Variants in ZNF704 observed in about 807,000 individuals in gnomAD.
ZNF704 encodes the protein glucocorticoid induced gene 1.
In ZNF704, 10 loss-of-function variants were observed where a neutral mutation model predicts 44.7. The observed-to-expected ratio is 0.22, with a 90% CI of 0.14 to 0.38. ZNF704 has a LOEUF of 0.38. ZNF704 is among the 10% of genes least tolerant of loss of function. The probability of loss-of-function intolerance (pLI) is 1.00; values close to 1 mark genes in which losing one functional copy is unlikely to be tolerated. For synonymous variants in ZNF704, 211 were observed against 207.6 expected (o/e 1.02, Z -0.14); for missense variants, 390 against 545.5 (o/e 0.71, Z 2.84).
intron 2 of ZNF704, among the ~76,000 whole-genome samples, chr8:80,720,765 C>T (rs948899234): frequency 2.0e-5 from 3 of 152,210 alleles, no homozygotes; most frequent in Non-Finnish European, 2.9e-5. Flanking sequence ...AACTCAGAAG[C>T]GGACCAAAGC....
At chr8:80,686,789 G>C (rs1463309498) in intron 4 of ZNF704, among the ~76,000 whole-genome samples, 1 of 152,026 alleles carries the variant, frequency 6.6e-6, no homozygotes, top group African/African-American at 2.4e-5. Context: ...ACAGATGACT[G>C]CATAAAAATG....
chr8:80,802,390 AC>A (rs1807916925), intron 2 of ZNF704, among the ~76,000 whole-genome samples: 1 of 152,134 alleles, frequency 6.6e-6, no homozygotes, highest in Non-Finnish European at 1.5e-5. Context: ...AAAAACAAAA[AC>A]AAAACTTCAA....
intron 7 of ZNF704, among the ~76,000 whole-genome samples, chr8:80,643,508 T>G (rs1200434445): frequency 4.9e-5 from 5 of 101,478 alleles, no homozygotes; most frequent in African/African-American, 2.1e-4. Flanking sequence ...CAGAGTGAGA[T>G]CCTGTCTCAA....
chr8:80,643,016 GTTT>G lies in ZNF704; in HGVS notation c.1127+16_1127+18del, dbSNP rs766974376. On this transcript the variant is annotated intron_variant, in intron 8 of 8. Transcript: ENST00000327835. ...ATTCCCTTGTGGTGAGGTGTGTGGA[GTTT>G]TTTAAGCTGTCGTACCTTAAGCTGA... is the stretch of plus-strand genomic sequence containing the variant. 7.2e-6 allele frequency: 11 copies of G among 1,534,280 alleles called. No individual in the cohort carries two copies. The highest frequency in any genetic ancestry group is 1.4e-5 in the African/African-American group (1 of 72,004).
intron 2 of ZNF704, among the ~76,000 whole-genome samples, chr8:80,726,833 GCACACA>G (rs60158512): frequency 1.7e-4 from 25 of 147,670 alleles, no homozygotes; most frequent in African/African-American, 4.7e-4. Context: ...ACACACACAT[GCACACA>G]CACACACACA....
intron 1 of ZNF704, among the ~76,000 whole-genome samples, chr8:80,837,773 G>A (rs538268352): frequency 6.6e-6 from 1 of 152,312 alleles, no homozygotes; most frequent in East Asian, 1.9e-4. Flanking sequence ...AGGAGGCCAA[G>A]CAGCTGTTCT....
At chr8:80,707,823 AT>A (rs111843494) in intron 2 of ZNF704, among the ~76,000 whole-genome samples, 26,297 of 152,156 alleles carry the variant, frequency 0.17, 4,619 homozygotes, top group African/African-American at 0.45. Context: ...CTTCAATACT[AT>A]TAATTCAAGC....
intron 2 of ZNF704, among the ~76,000 whole-genome samples, chr8:80,775,687 A>T (rs909846026): frequency 6.6e-6 from 1 of 152,196 alleles, no homozygotes; most frequent in Non-Finnish European, 1.5e-5. Context: ...GTGTTGGAGA[A>T]GTGATAGGGT....
chr8:80,688,631 T>C (rs1222177808), intron 3 of ZNF704, among the ~76,000 whole-genome samples: 2 of 152,208 alleles, frequency 1.3e-5, no homozygotes, highest in Non-Finnish European at 2.9e-5. Flanking sequence ...AAAGCTGGGA[T>C]AGGATAAGAA....
chr8:80,717,418 C>T (rs1007778159), intron 2 of ZNF704, among the ~76,000 whole-genome samples: 1 of 152,248 alleles, frequency 6.6e-6, no homozygotes, highest in African/African-American at 2.4e-5. Context: ...ACTCTGCAGA[C>T]TGCAAAACTG....
intron 2 of ZNF704, among the ~76,000 whole-genome samples, chr8:80,724,766 G>A (rs961388071): frequency 1.3e-5 from 2 of 152,070 alleles, no homozygotes; most frequent in African/African-American, 4.8e-5. Context: ...GCCTAATTCA[G>A]GCACTCATTG....
At chr8:80,753,137 T>C (rs1265213098) in intron 2 of ZNF704, among the ~76,000 whole-genome samples, 1 of 152,226 alleles carries the variant, frequency 6.6e-6, no homozygotes, top group Non-Finnish European at 1.5e-5. Flanking sequence ...ATGTGTTTCA[T>C]TATACTCCTA....
At chr8:80,749,804 G>T (rs1268310676) in intron 2 of ZNF704, 2 of 152,098 alleles carry the variant, frequency 1.3e-5, no homozygotes, top group African/African-American at 4.8e-5. Context: ...AAGGAAAAGT[G>T]TCCCTGTGGA....
intron 2 of ZNF704, among the ~76,000 whole-genome samples, chr8:80,780,772 G>T (rs1807509348): frequency 6.6e-6 from 1 of 152,040 alleles, no homozygotes; most frequent in Admixed American, 6.6e-5. Flanking sequence ...GCAAAGAATG[G>T]GTTCTTTCCC....
chr8:80,665,185 T>C, intron 5 of ZNF704, 103 bp from the exon 6 acceptor site: 1 of 1,315,574 alleles, frequency 7.6e-7, no homozygotes, highest in Non-Finnish European at 1.0e-6. Context: ...TTTTCCTCCC[T>C]CTTGTTTGCC....
At chr8:80,692,966 C>T (rs772252603) in intron 3 of ZNF704, 38 bp downstream of exon 3, 108 of 1,582,718 alleles carry the variant, frequency 6.8e-5, no homozygotes, top group Non-Finnish European at 8.2e-5. Flanking sequence ...CTCTTGGTGT[C>T]AAGGGGCCCT....
At chr8:80,674,439 G>T (rs1315603543) in intron 4 of ZNF704, among the ~76,000 whole-genome samples, 2 of 152,210 alleles carry the variant, frequency 1.3e-5, no homozygotes, top group Non-Finnish European at 2.9e-5. Context: ...GCCAGCACCT[G>T]CTCAGGTTCT....
At chr8:80,709,210 C>T (rs937466952) in intron 2 of ZNF704, among the ~76,000 whole-genome samples, 5 of 151,812 alleles carry the variant, frequency 3.3e-5, no homozygotes, top group Admixed American at 6.6e-5. Context: ...TTTGGGAGGC[C>T]GAGGAAGGCA....
At chr8:80,735,080 T>G (rs973412267) in intron 2 of ZNF704, among the ~76,000 whole-genome samples, 1 of 152,232 alleles carries the variant, frequency 6.6e-6, no homozygotes, top group Non-Finnish European at 1.5e-5. Context: ...GGCTTCAGCA[T>G]CATCTGAAGA....
Sources: gnomAD v4.1 joint callset for allele counts (sites outside exome capture counted in the v4.1 genomes callset) on GRCh38, gnomAD v4.1.1 for gene constraint, MANE v1.5 for transcripts, NCBI Gene and HGNC (gene_info 2026-07-23, HGNC 2026-07-21) for gene names.